Variants in DGLUCY observed in about 807,000 individuals in gnomAD.
The protein encoded by DGLUCY is D-glutamate cyclase.
Under a neutral mutation model 58.5 loss-of-function variants are expected in DGLUCY, and 58 were observed. The observed-to-expected ratio is 0.99, with a 90% confidence interval of 0.80 to 1.23. The LOEUF is 1.23. DGLUCY is among the 50% of genes most tolerant of loss of function. The probability of loss-of-function intolerance (pLI) is 0.00; values close to 1 mark genes in which losing one functional copy is unlikely to be tolerated. For missense variants in DGLUCY, 779 were observed against 784.7 expected, an observed-to-expected ratio of 0.99 and a Z score of 0.09; for synonymous variants, 325 against 314.1, an observed-to-expected ratio of 1.03 and a Z score of -0.37.
At chr14:91,113,860 C>G (rs532575028), upstream of DGLUCY, among the ~76,000 whole-genome samples, 1 of 152,342 alleles carries the variant, frequency 6.6e-6, no homozygotes, top group South Asian at 2.1e-4. Context: ...CCATACACCC[C>G]TAGATCAATT....
rs1016124768 is a variant in DGLUCY, at chr14:91,223,087, A to G, written c.1717-1597A>G. On this transcript the variant is annotated intron_variant, in intron 13 of 13. Transcript: ENST00000256324. ...AACAATTGAGGATTAGGTTCAACAT[A>G]CAAAATTTGAGGGTACATATTGAGT... is the stretch of plus-strand genomic sequence containing the variant. 6.6e-5 allele frequency among the ~76,000 whole-genome samples: 10 copies of G among 152,204 alleles called. 2 individuals are homozygous for G. The South Asian group carries it at 1.7e-3, about 25-fold the overall frequency.
chr14:91,066,388 G>GAA (rs58589619), intron 1 of DGLUCY, among the ~76,000 whole-genome samples: 3 of 113,860 alleles, frequency 2.6e-5, no homozygotes, highest in Non-Finnish European at 5.6e-5. Context: ...AAAAAAAAAA[G>GAA]AAAAAAAAAA....
In DGLUCY at chr14:91,080,814, A is replaced by G. The variant is rs12880662; in HGVS notation, c.-82+20110A>G. Among the ~76,000 whole-genome samples, 605 of 152,322 alleles carry G rather than the reference A, an allele frequency of 4.0e-3. 2 individuals are homozygous for G. Among genetic ancestry groups the G allele is most frequent in the Non-Finnish European group, 6.4e-3 (437 of 68,016 alleles). Reference sequence around the variant, plus strand: ...TTACACTTTAGGAAAATCTTCAACAAATATGAGTGCCTTTTGTGTGCATTG... The same window carrying G: ...TTACACTTTAGGAAAATCTTCAACAGATATGAGTGCCTTTTGTGTGCATTG... On this transcript the variant is annotated intron_variant, in intron 1 of 4. Transcript: ENST00000521334.
intron 1 of DGLUCY, among the ~76,000 whole-genome samples, chr14:91,097,632 C>G (rs1324590754): frequency 6.6e-6 from 1 of 151,944 alleles, no homozygotes; most frequent in Non-Finnish European, 1.5e-5. Context: ...TCACCTTGAC[C>G]CCATGTCTCT....
intron 1 of DGLUCY, among the ~76,000 whole-genome samples, chr14:91,149,084 C>A (rs2047166627): frequency 6.6e-6 from 1 of 151,738 alleles, no homozygotes; most frequent in Non-Finnish European, 1.5e-5. Context: ...CCCGTCTCTA[C>A]TAAAAATACA....
At chr14:91,072,973 C>T (rs184526969) in intron 1 of DGLUCY, among the ~76,000 whole-genome samples, 120 of 151,906 alleles carry the variant, frequency 7.9e-4, no homozygotes, top group African/African-American at 2.8e-3. Flanking sequence ...CATGCCACTG[C>T]ACTCCAGCCT....
intron 1 of DGLUCY, among the ~76,000 whole-genome samples, chr14:91,086,280 C>T (rs1373661469): frequency 6.6e-6 from 1 of 152,100 alleles, no homozygotes; most frequent in Non-Finnish European, 1.5e-5. Flanking sequence ...ATAAAGTGCA[C>T]AATAAATATA....
intron 1 of DGLUCY, among the ~76,000 whole-genome samples, chr14:91,093,205 T>G (rs187999870): frequency 4.9e-4 from 75 of 152,318 alleles, no homozygotes; most frequent in African/African-American, 1.7e-3. Context: ...ATATAATAAT[T>G]AATAATATAT....
intron 1 of DGLUCY, among the ~76,000 whole-genome samples, chr14:91,141,512 T>TA: frequency 6.6e-6 from 1 of 151,934 alleles, no homozygotes; most frequent in East Asian, 1.9e-4. Context: ...TGTTCAGCAT[T>TA]ACCTTCACAC....
chr14:91,221,297 G>T (rs1887455334), intron 13 of DGLUCY, among the ~76,000 whole-genome samples: 2 of 152,220 alleles, frequency 1.3e-5, no homozygotes, highest in Non-Finnish European at 2.9e-5. Flanking sequence ...AACAAATGAT[G>T]ACTTATTTGT....
Position 91,178,146 on chromosome 14 carries a change from C to A in DGLUCY, c.730+2090C>A, listed in dbSNP as rs570206353. 8.6e-5 allele frequency among the ~76,000 whole-genome samples: 13 copies of A among 152,008 alleles called. No homozygotes were observed. In the South Asian group the frequency reaches 2.5e-3, roughly 29 times the overall value. On this transcript the variant is annotated intron_variant, in intron 7 of 13. Coordinates refer to ENST00000256324, the MANE Select transcript of DGLUCY (RefSeq NM_001102368.3). ...GAGAACAAATGACATCAGAGAGGGA[C>A]AATCTTGAATCATTCTCAAATTCCC...
intron 1 of DGLUCY, among the ~76,000 whole-genome samples, chr14:91,087,201 C>G (rs1046257846): frequency 1.3e-5 from 2 of 152,222 alleles, no homozygotes; most frequent in Non-Finnish European, 2.9e-5. Flanking sequence ...TCTTATTCAT[C>G]TTCTCTGTGC....
chr14:91,170,134 A>C lies in DGLUCY; in HGVS notation c.389A>C (p.Glu130Ala), dbSNP rs770831038. ...CTGGGCTGCAGCTTCTCCCTGGAGG[A>C]GGCCTTGGAGAAAGCGGGGCTCCCC... ...FFLGCSFSLE[E>A]ALEKAGLPRR... Residue 130 changes from glutamate to alanine, a missense_variant, in exon 5 of 14, where the codon GAG becomes GCG. Transcript: ENST00000256324. 6.2e-7 allele frequency: 1 copy of C among 1,613,324 alleles called. No homozygotes were observed. Among genetic ancestry groups the C allele is most frequent in the Non-Finnish European group, 8.5e-7 (1 of 1,180,034 alleles).
exon 1 of DGLUCY, chr14:91,060,433 A>G: frequency 6.8e-7 from 1 of 1,473,576 alleles, no homozygotes; most frequent in South Asian, 1.4e-5. Flanking sequence ...CTCCTCCTCC[A>G]TCTTCTCCTT....
At chr14:91,092,781 T>C (rs372985011) in intron 1 of DGLUCY, among the ~76,000 whole-genome samples, 1 of 152,126 alleles carries the variant, frequency 6.6e-6, no homozygotes, top group South Asian at 2.1e-4. Flanking sequence ...CCAACCATAA[T>C]TGCATTTAAG....
At chr14:91,211,441 A>G (rs1261805138) in intron 12 of DGLUCY, among the ~76,000 whole-genome samples, 2 of 152,270 alleles carry the variant, frequency 1.3e-5, no homozygotes, top group African/African-American at 4.8e-5. Flanking sequence ...CTATAAAGCT[A>G]CAGTAATCAA....
chr14:91,127,676 G>C (rs1031913509), intron 1 of DGLUCY, among the ~76,000 whole-genome samples: 4 of 152,216 alleles, frequency 2.6e-5, no homozygotes, highest in African/African-American at 9.7e-5. Context: ...ACACTGTGTC[G>C]TCCTTCTCCC....
intron 1 of DGLUCY, among the ~76,000 whole-genome samples, chr14:91,155,055 C>A (rs2047540550): frequency 6.6e-6 from 1 of 152,218 alleles, no homozygotes; most frequent in Non-Finnish European, 1.5e-5. Flanking sequence ...CCCTACTCTC[C>A]TTTTAGACTC....
At chr14:91,096,635 G>A (rs1340013953) in intron 1 of DGLUCY, among the ~76,000 whole-genome samples, 2 of 152,116 alleles carry the variant, frequency 1.3e-5, no homozygotes, top group Admixed American at 6.6e-5. Flanking sequence ...GAGTGTCGGG[G>A]TCCACTCTCG....
Sources: allele counts gnomAD v4.1 joint callset (sites outside exome capture counted in the v4.1 genomes callset), GRCh38; gene constraint gnomAD v4.1.1; transcripts MANE v1.5; gene names NCBI Gene and HGNC (gene_info 2026-07-23, HGNC 2026-07-21).